SGCZ: variants seen among roughly 807,000 people sequenced by gnomAD.
SGCZ encodes sarcoglycan zeta.
A neutral mutation model predicts 41.3 loss-of-function variants in SGCZ; 40 were observed. The ratio of observed to expected loss-of-function variants is 0.97; its 90% CI spans 0.75 to 1.26. The LOEUF is 1.26. Ranked by LOEUF, SGCZ falls within the 50% of genes most tolerant of loss-of-function variation. SGCZ has a pLI of 0.00. For missense variants in SGCZ, 552 were observed against 369.8 expected (o/e 1.49, Z -4.04); for synonymous variants, 206 against 137.5 (o/e 1.50, Z -3.49).
At chr8:15,173,163 G>A (rs1398407472) in intron 1 of SGCZ, among the ~76,000 whole-genome samples, 1 of 152,166 alleles carries the variant, frequency 6.6e-6, no homozygotes, top group Non-Finnish European at 1.5e-5. Context: ...CTTACTATTT[G>A]TGTGACCTTT....
intron 1 of SGCZ, among the ~76,000 whole-genome samples, chr8:15,003,843 AT>A (rs1240066653): frequency 6.6e-6 from 1 of 152,132 alleles, no homozygotes; most frequent in Non-Finnish European, 1.5e-5. Flanking sequence ...AGTGTTGCTG[AT>A]GAAAACAATT....
chr8:14,365,324 T>G (rs897628627), intron 2 of SGCZ, among the ~76,000 whole-genome samples: 2 of 152,136 alleles, frequency 1.3e-5, no homozygotes, highest in Non-Finnish European at 1.5e-5. Context: ...AGTTAAATAA[T>G]TTTTGTATTG....
chr8:14,862,581 T>TATACAC (rs775585451), intron 1 of SGCZ, among the ~76,000 whole-genome samples: 1 of 96,950 alleles, frequency 1.0e-5, no homozygotes. Flanking sequence ...TATATATATA[T>TATACAC]ACACACACAA....
intron 1 of SGCZ, among the ~76,000 whole-genome samples, chr8:14,959,065 C>T (rs570271547): frequency 6.6e-6 from 1 of 151,988 alleles, no homozygotes; most frequent in African/African-American, 2.4e-5. Flanking sequence ...AACACTAATG[C>T]CAACTTACTG....
At chr8:14,358,811 A>G (rs1803395526) in intron 2 of SGCZ, among the ~76,000 whole-genome samples, 2 of 151,988 alleles carry the variant, frequency 1.3e-5, no homozygotes, top group South Asian at 4.1e-4. Context: ...GGGTTTCACC[A>G]TCTTGGCCAG....
chr8:14,872,259 T>C (rs1001966722), intron 1 of SGCZ, among the ~76,000 whole-genome samples: 7 of 152,076 alleles, frequency 4.6e-5, no homozygotes, highest in Non-Finnish European at 7.4e-5. Flanking sequence ...ATGGCACATG[T>C]ATACCTATGT....
At chr8:14,550,500 T>C (rs1585070597) in intron 2 of SGCZ, among the ~76,000 whole-genome samples, 1 of 152,058 alleles carries the variant, frequency 6.6e-6, no homozygotes, top group African/African-American at 2.4e-5. Flanking sequence ...AAATATTTCA[T>C]AATAAATAGT....
chr8:14,894,061 A>C (rs1805111800), intron 1 of SGCZ, among the ~76,000 whole-genome samples: 1 of 152,164 alleles, frequency 6.6e-6, no homozygotes, highest in African/African-American at 2.4e-5. Context: ...CTTCACAGAA[A>C]ATATAAGAAA....
chr8:14,095,662 G>A (rs1274119011), intron 7 of SGCZ, among the ~76,000 whole-genome samples: 2 of 152,082 alleles, frequency 1.3e-5, no homozygotes, highest in African/African-American at 2.4e-5. Flanking sequence ...AGCTTGATGG[G>A]GATAGCATTG....
chr8:14,706,743 C>T (rs1177959528), intron 1 of SGCZ, among the ~76,000 whole-genome samples: 3 of 151,980 alleles, frequency 2.0e-5, no homozygotes, highest in Admixed American at 6.6e-5. Flanking sequence ...AAGTAGTAAG[C>T]GTTTTTAAGT....
At chr8:14,335,943 CA>C (rs1332419718) in intron 2 of SGCZ, among the ~76,000 whole-genome samples, 1 of 152,010 alleles carries the variant, frequency 6.6e-6, no homozygotes, top group Non-Finnish European at 1.5e-5. Context: ...CTTTTAGGTT[CA>C]GGGGTACATC....
chr8:14,605,347 A>G (rs1009378766), intron 1 of SGCZ, among the ~76,000 whole-genome samples: 7 of 152,084 alleles, frequency 4.6e-5, no homozygotes, highest in Non-Finnish European at 1.0e-4. Flanking sequence ...AAAGTGTAGC[A>G]ATCATATTAG....
At chr8:15,204,432 T>A (rs1480052003) in intron 1 of SGCZ, among the ~76,000 whole-genome samples, 1 of 152,306 alleles carries the variant, frequency 6.6e-6, no homozygotes, top group South Asian at 2.1e-4. Context: ...ATTGCATTAT[T>A]TTTATCACCC....
intron 2 of SGCZ, among the ~76,000 whole-genome samples, chr8:14,510,830 C>A (rs1451345193): frequency 6.6e-6 from 1 of 152,006 alleles, no homozygotes; most frequent in Non-Finnish European, 1.5e-5. Flanking sequence ...CTAAATAAGC[C>A]TTTTGCCAGT....
At chr8:14,641,119 G>A (rs1480653369) in intron 1 of SGCZ, among the ~76,000 whole-genome samples, 3 of 151,406 alleles carry the variant, frequency 2.0e-5, no homozygotes, top group South Asian at 4.2e-4. Flanking sequence ...AGAGGGGGTA[G>A]GGATACAAAG....
intron 1 of SGCZ, among the ~76,000 whole-genome samples, chr8:14,901,765 T>C (rs1166127866): frequency 6.6e-6 from 1 of 152,156 alleles, no homozygotes; most frequent in Non-Finnish European, 1.5e-5. Context: ...CAAATCAGAC[T>C]TAACAGACTA....
chr8:15,144,352 T>A (rs1207679324), intron 1 of SGCZ, among the ~76,000 whole-genome samples: 1 of 152,232 alleles, frequency 6.6e-6, no homozygotes, highest in East Asian at 1.9e-4. Flanking sequence ...TACCTCAGGT[T>A]GACCTATTAT....
intron 2 of SGCZ, among the ~76,000 whole-genome samples, chr8:14,408,366 C>T (rs943229419): frequency 2.6e-5 from 4 of 152,142 alleles, no homozygotes; most frequent in African/African-American, 9.7e-5. Context: ...AAAGCACCAT[C>T]TGGACCCCTG....
At chr8:15,030,313 A>C (rs952931233) in intron 1 of SGCZ, among the ~76,000 whole-genome samples, 1 of 152,190 alleles carries the variant, frequency 6.6e-6, no homozygotes, top group Non-Finnish European at 1.5e-5. Context: ...TAGCACGGTG[A>C]AAATCTTTCT....
Sources: gnomAD v4.1 joint callset for allele counts (sites outside exome capture counted in the v4.1 genomes callset) on GRCh38, gnomAD v4.1.1 for gene constraint, MANE v1.5 for transcripts, NCBI Gene and HGNC (gene_info 2026-07-23, HGNC 2026-07-21) for gene names.